The following HTR5A variants were observed in gnomAD, a reference collection of about 807,000 sequenced individuals.
The protein encoded by HTR5A is 5-hydroxytryptamine receptor 5A, also known as 5-HT-5.
In HTR5A, 21 loss-of-function variants were observed where a neutral mutation model predicts 24.3. The ratio of observed to expected loss-of-function variants is 0.86; its 90% CI spans 0.61 to 1.24. The LOEUF is 1.24. Ranked by LOEUF, HTR5A falls within the 50% of genes most tolerant of loss-of-function variation. The pLI is 0.00. For synonymous variants in HTR5A, 260 were observed against 213.7 expected, an observed-to-expected ratio of 1.22 and a Z score of -1.89; for missense variants, 497 against 489.5, an observed-to-expected ratio of 1.02 and a Z score of -0.15.
rs1795474183 is a variant in HTR5A, at chr7:155,086,125, A to G, written c.*1638A>G. 6.6e-6 allele frequency among the ~76,000 whole-genome samples: 1 copy of G among 152,202 alleles called. No homozygotes were observed. The highest frequency in any genetic ancestry group is 1.5e-5 in the Non-Finnish European group (1 of 68,024). On this transcript the variant is annotated 3_prime_UTR_variant, in exon 2 of 2. Coordinates refer to ENST00000287907, the MANE Select transcript of HTR5A (RefSeq NM_024012.4). ...ACTCAAGTTACTTTTCCCCATTATT[A>G]CTCGAAATCAGAGAGAATAACAAAT...
chr7:155,079,326 T>A lies in HTR5A; in HGVS notation c.742-4829T>A, dbSNP rs142471417. 6.7e-3 allele frequency among the ~76,000 whole-genome samples: 1,022 copies of A among 152,328 alleles called. 14 individuals are homozygous for A. The highest frequency in any genetic ancestry group is 0.023 in the African/African-American group (962 of 41,578). On this transcript the variant is annotated intron_variant, in intron 1 of 1. Coordinates refer to ENST00000287907, the MANE Select transcript of HTR5A (RefSeq NM_024012.4). ...TAAATTCTATAAATCTGATTTTTCTTCTGGTAATTTTATAATGTGATTGTG... is the reference window on the plus strand; with the variant it reads ...TAAATTCTATAAATCTGATTTTTCTACTGGTAATTTTATAATGTGATTGTG...
intron 1 of HTR5A, among the ~76,000 whole-genome samples, chr7:155,073,299 C>A (rs533014511): frequency 3.4e-5 from 4 of 116,382 alleles, no homozygotes; most frequent in Non-Finnish European, 4.9e-5. Context: ...CCAGCCTGGG[C>A]GACAGAGTGA....
intron 1 of HTR5A, among the ~76,000 whole-genome samples, chr7:155,078,084 C>G (rs1051451483): frequency 6.6e-6 from 1 of 152,142 alleles, no homozygotes; most frequent in Admixed American, 6.5e-5. Flanking sequence ...GATGTTCATT[C>G]TTTCAAGGGT....
At chr7:155,082,429 T>G (rs1795428008) in intron 1 of HTR5A, among the ~76,000 whole-genome samples, 1 of 152,070 alleles carries the variant, frequency 6.6e-6, no homozygotes, top group Non-Finnish European at 1.5e-5. Context: ...GCATCTCTAG[T>G]ATGATCAGAA....
intron 1 of HTR5A, among the ~76,000 whole-genome samples, chr7:155,079,147 G>C (rs987365214): frequency 2.6e-5 from 4 of 151,950 alleles, no homozygotes; most frequent in African/African-American, 9.7e-5. Context: ...TGGAGATGGG[G>C]TCTCTCTATT....
At chr7:155,083,657 CA>C (rs1450647997) in intron 1 of HTR5A, among the ~76,000 whole-genome samples, 1 of 152,186 alleles carries the variant, frequency 6.6e-6, no homozygotes, top group Non-Finnish European at 1.5e-5. Flanking sequence ...CCGCCTCAAA[CA>C]GTAGAATATG....
Position 155,087,126 on chromosome 7 carries a change from C to T in HTR5A, c.*2639C>T, listed in dbSNP as rs942383439. 4.6e-5 allele frequency among the ~76,000 whole-genome samples: 7 copies of T among 152,088 alleles called. No individual in the cohort carries two copies. Among genetic ancestry groups the T allele is most frequent in the African/African-American group, 1.7e-4 (7 of 41,418 alleles). On this transcript the variant is annotated 3_prime_UTR_variant, in exon 2 of 2. Transcript: ENST00000287907. ...AGTGATCTTAGCCCTCTTGAGGTCA[C>T]TATCAGTTTTATATTTTCATTGTGC...
At position 155,070,868 on chromosome 7, in the gene HTR5A, C is replaced by T; in HGVS notation, c.-32C>T. 2 of 1,569,570 alleles carry T rather than the reference C, an allele frequency of 1.3e-6. No individual in the cohort carries two copies. Among genetic ancestry groups the T allele is most frequent in the Non-Finnish European group, 1.7e-6 (2 of 1,161,522 alleles). Reference sequence around the variant, plus strand: ...TAAGTCCTCCTGAACACCCCTTCTGCAAGTACCCCAGGGCGGTCTCCTGAC... The same window carrying T: ...TAAGTCCTCCTGAACACCCCTTCTGTAAGTACCCCAGGGCGGTCTCCTGAC... On this transcript the variant is annotated 5_prime_UTR_variant, in exon 1 of 2. Transcript: ENST00000287907.
intron 1 of HTR5A, among the ~76,000 whole-genome samples, chr7:155,077,978 A>G (rs1432688802): frequency 6.6e-6 from 1 of 152,216 alleles, no homozygotes; most frequent in Non-Finnish European, 1.5e-5. Flanking sequence ...GGAAGTTTAA[A>G]AAGACAAAGA....
Position 155,070,653 on chromosome 7 carries a change from A to C in HTR5A, c.-247A>C. On this transcript the variant is annotated 5_prime_UTR_variant, in exon 1 of 2. Transcript: ENST00000287907. ...ACAGCTTAGGCGGGCCCTGGCTGCG[A>C]CACGCAGCCCCTCGCCTCTGCTTCC... is the stretch of plus-strand genomic sequence containing the variant. The C allele has an allele frequency of 1.9e-6, 1 of 538,628 alleles. No individual in the cohort carries two copies. The highest frequency in any genetic ancestry group is 3.3e-6 in the Non-Finnish European group (1 of 301,650). The allele number at this position is 538,628 out of a possible 1,614,324, so 33.4% of individuals were successfully genotyped here.
chr7:155,073,913 A>G (rs781452467), intron 1 of HTR5A, among the ~76,000 whole-genome samples: 49 of 136,294 alleles, frequency 3.6e-4, no homozygotes, highest in South Asian at 2.2e-3. Context: ...ATATATATAT[A>G]TATGTATATA....
chr7:155,079,200 A>C (rs937193514), intron 1 of HTR5A, among the ~76,000 whole-genome samples: 3 of 151,646 alleles, frequency 2.0e-5, no homozygotes, highest in African/African-American at 7.3e-5. Context: ...TGATTTTCCC[A>C]CCTTGGCCTC....
rs138977328 is a variant in HTR5A at position 155,073,900 on chromosome 7, T to TACAC, written c.741+2261_741+2262insCACA. Among the ~76,000 whole-genome samples, 111 of 22,448 alleles carry TACAC rather than the reference T, an allele frequency of 4.9e-3. 3 individuals are homozygous for TACAC. Among genetic ancestry groups the TACAC allele is most frequent in the African/African-American group, 6.3e-3 (105 of 16,572 alleles). The allele number at this position is 22,448 out of a possible 152,430, so 14.7% of individuals were successfully genotyped here. On this transcript the variant is annotated intron_variant, in intron 1 of 1. Coordinates refer to ENST00000287907, the MANE Select transcript of HTR5A (RefSeq NM_024012.4). ...ATGTATATATATATGTATATATATATATATATATATATATATGTATATATA... is the reference window on the plus strand; with the variant it reads ...ATGTATATATATATGTATATATATATACACATATATATATATATATGTATATATA...
rs928070944 is a variant in HTR5A, at chr7:155,086,953, G to T, written c.*2466G>T. Among the ~76,000 whole-genome samples, 1 of 152,140 alleles carries T rather than the reference G, an allele frequency of 6.6e-6. No individual in the cohort carries two copies. Among genetic ancestry groups the T allele is most frequent in the East Asian group, 1.9e-4 (1 of 5,194 alleles). On this transcript the variant is annotated 3_prime_UTR_variant, in exon 2 of 2. Coordinates refer to ENST00000287907, the MANE Select transcript of HTR5A (RefSeq NM_024012.4). ...ATGGTGCACCTAGAGAAGGCTGGAG[G>T]GTTTCCTGCAAGCCCTCTCTGTAGG...
Position 155,070,541 on chromosome 7 carries a change from C to T in HTR5A, c.-359C>T. 2.7e-6 allele frequency: 1 copy of T among 367,698 alleles called. No homozygotes were observed. The allele number at this position is 367,698 out of a possible 1,614,324, so 22.8% of individuals were successfully genotyped here. ...CTCTCCTGCACCCACACGCTGCTGG[C>T]CGCCCAGCTTCTCCCCGATCTGGGA... On this transcript the variant is annotated 5_prime_UTR_variant, in exon 1 of 2. Coordinates refer to ENST00000287907, the MANE Select transcript of HTR5A (RefSeq NM_024012.4).
At chr7:155,079,177 T>C (rs907526468) in intron 1 of HTR5A, among the ~76,000 whole-genome samples, 20 of 152,234 alleles carry the variant, frequency 1.3e-4, no homozygotes, top group African/African-American at 3.9e-4. Context: ...GGTCTCAAAC[T>C]CTTGACCTCA....
chr7:155,084,116 G>A (rs1212928617), intron 1 of HTR5A, 39 bp from the exon 2 acceptor site: 2 of 1,502,258 alleles, frequency 1.3e-6, no homozygotes, highest in African/African-American at 2.8e-5. Flanking sequence ...CAGGTAGACT[G>A]AGGTGGCTCC....
chr7:155,082,445 G>A (rs956546935), intron 1 of HTR5A, among the ~76,000 whole-genome samples: 1 of 151,962 alleles, frequency 6.6e-6, no homozygotes, highest in Non-Finnish European at 1.5e-5. Context: ...CAGAATCCAT[G>A]GTGTTTCCAG....
intron 1 of HTR5A, among the ~76,000 whole-genome samples, chr7:155,075,078 A>C (rs1179287581): frequency 6.6e-6 from 1 of 152,160 alleles, no homozygotes; most frequent in African/African-American, 2.4e-5. Context: ...AAGAGAAGAA[A>C]ATTTTAAAAT....
Sources: allele counts gnomAD v4.1 joint callset (sites outside exome capture counted in the v4.1 genomes callset), GRCh38; gene constraint gnomAD v4.1.1; transcripts MANE v1.5; gene names NCBI Gene and HGNC (gene_info 2026-07-23, HGNC 2026-07-21).